Variants in BTN3A2 observed in about 807,000 individuals in gnomAD.
BTN3A2 encodes butyrophilin protein.
Under a neutral mutation model 37.6 loss-of-function variants are expected in BTN3A2, and 25 were observed. The observed-to-expected ratio is 0.66, with a 90% CI of 0.48 to 0.93. The LOEUF is 0.93. BTN3A2 is among the 40% of genes least tolerant of loss of function. The pLI, the probability that BTN3A2 is intolerant of heterozygous loss-of-function variation, is 0.00. For synonymous variants in BTN3A2, 122 were observed against 159.4 expected, an observed-to-expected ratio of 0.77 and a Z score of 1.77; for missense variants, 266 against 410.9, an observed-to-expected ratio of 0.65 and a Z score of 3.05.
rs1760725597 is a variant in BTN3A2, at chr6:26,376,515, G to A, written c.*753G>A. On this transcript the variant is annotated 3_prime_UTR_variant, in exon 11 of 11. Transcript: ENST00000377708. ...CATGGCCCAAGCCTTGCATGCTGTG[G>A]CTCTTAAATCCAGGAAAAATGGCTG... The A allele has an allele frequency of 2.3e-6, 3 of 1,298,990 alleles. No individual in the cohort carries two copies. In the African/African-American group the frequency reaches 4.5e-5, roughly 19 times the overall value. 80.5% of individuals were successfully genotyped at this position (1,298,990 alleles called of 1,614,324 possible). A position where few individuals can be genotyped will look rare whatever the true frequency, so the allele number is the denominator to read the frequency against.
In BTN3A2 at chr6:26,377,248, C is replaced by A. The variant is rs1314580849; in HGVS notation, c.*1486C>A. 2.3e-6 allele frequency: 2 copies of A among 856,560 alleles called. No individual in the cohort carries two copies. Among genetic ancestry groups the A allele is most frequent in the Non-Finnish European group, 3.9e-6 (2 of 510,494 alleles). The allele number at this position is 856,560 out of a possible 1,614,324, so 53.1% of individuals were successfully genotyped here. On this transcript the variant is annotated 3_prime_UTR_variant, in exon 11 of 11. Transcript: ENST00000377708. ...GCCCAGCCTGGAGCTAAGGGTCTCA[C>A]CCTCCACAACAGCCAGTCAGAACCA...
At chr6:26,365,474 C>CTGTG (rs55949951) in intron 1 of BTN3A2, 122 bp downstream of exon 1, 69,175 of 545,090 alleles carry the variant, frequency 0.13, 2,565 homozygotes, top group East Asian at 0.22. Context: ...GGTGCAGTGC[C>CTGTG]TGTGTGTGTG....
In BTN3A2 at chr6:26,368,259, C is replaced by T. The variant is rs759522232; in HGVS notation, c.77C>T (p.Pro26Leu). 3 of 1,614,206 alleles carry T rather than the reference C, an allele frequency of 1.9e-6. No homozygotes were observed. Among genetic ancestry groups the T allele is most frequent in the Non-Finnish European group, 2.5e-6 (3 of 1,180,036 alleles). The change falls in exon 3 of 11, where the codon CCT (proline) becomes CTT (leucine). Residue 26 changes from proline (P) to leucine (L), a missense_variant. Pro to Leu is a moderately conservative substitution (Grantham distance 98). Coordinates refer to ENST00000377708, the MANE Select transcript of BTN3A2 (RefSeq NM_007047.5). ...VSLLLVQLLT[P>L]CSAQFSVLGP... ...CTCCTCTTGGTCCAGCTGCTCACTC[C>T]TTGCTCAGGTAGGGAATGATTCCAT... is the stretch of plus-strand genomic sequence containing the variant.
At chr6:26,375,491 T>C (rs1760629860) in intron 10 of BTN3A2, 3 of 720,566 alleles carry the variant, frequency 4.2e-6, no homozygotes, top group South Asian at 4.0e-5. Flanking sequence ...ATCTCCTTTC[T>C]TTCTCCTTCT....
At chr6:26,370,291 C>A (rs1048591449) in intron 4 of BTN3A2, 31 bp from the exon 5 acceptor site, 2 of 1,610,238 alleles carry the variant, frequency 1.2e-6, no homozygotes, top group African/African-American at 1.3e-5. Flanking sequence ...CAGGAGCTAT[C>A]CAGAATTTAG....
intron 9 of BTN3A2, 49 bp downstream of exon 9, chr6:26,374,422 T>TCACA: frequency 1.3e-6 from 2 of 1,539,672 alleles, no homozygotes; most frequent in Non-Finnish European, 1.8e-6. Context: ...TTTTCTCCAC[T>TCACA]GTGACCCGTG....
At chr6:26,371,169 C>T (rs923119563) in intron 5 of BTN3A2, among the ~76,000 whole-genome samples, 1 of 151,940 alleles carries the variant, frequency 6.6e-6, no homozygotes, top group Admixed American at 6.6e-5. Flanking sequence ...GGCTGAGGCA[C>T]GAGAATCACT....
chr6:26,377,502 T>C lies in BTN3A2; in HGVS notation c.*1740T>C, dbSNP rs1240055455. ...GGAGAATTTAAAACGTTCTGAGTGCTGTGTTATGAGCTTTGGTGGGTGTCA... is the reference window on the plus strand; with the variant it reads ...GGAGAATTTAAAACGTTCTGAGTGCCGTGTTATGAGCTTTGGTGGGTGTCA... On this transcript the variant is annotated 3_prime_UTR_variant, in exon 11 of 11. Transcript: ENST00000377708. The C allele has an allele frequency of 8.6e-6, 3 of 350,538 alleles. No individual in the cohort carries two copies. The highest frequency in any genetic ancestry group is 6.4e-5 in the African/African-American group (3 of 47,236). 21.7% of individuals were successfully genotyped at this position (350,538 alleles called of 1,614,324 possible).
intron 10 of BTN3A2, chr6:26,375,328 C>G (rs1760604601): frequency 2.9e-6 from 1 of 345,348 alleles, no homozygotes. Flanking sequence ...GTCTCCACCC[C>G]TAGCCTGGGA....
chr6:26,365,179 A>G, upstream of BTN3A2: 1 of 930,968 alleles, frequency 1.1e-6, no homozygotes, highest in Non-Finnish European at 1.6e-6. Flanking sequence ...CAATCAAAAA[A>G]CTAATTCTTC....
Position 26,376,692 on chromosome 6 carries a change from T to C in BTN3A2, c.*930T>C, listed in dbSNP as rs1410032891. 3.9e-6 allele frequency: 6 copies of C among 1,546,898 alleles called. No individual in the cohort carries two copies. Among genetic ancestry groups the C allele is most frequent in the South Asian group, 3.3e-5 (3 of 89,632 alleles). On this transcript the variant is annotated 3_prime_UTR_variant, in exon 11 of 11. Transcript: ENST00000377708. ...ACCAGACAACCCTGAGAGATTTGAA[T>C]GGCGTTACTGTGTGCTTGGCTGTGA...
intron 1 of BTN3A2, among the ~76,000 whole-genome samples, chr6:26,366,199 C>T (rs889337013): frequency 4.1e-5 from 6 of 146,912 alleles, no homozygotes; most frequent in African/African-American, 1.3e-4. Context: ...ATAAAAAACC[C>T]GAATTATTTT....
intron 8 of BTN3A2, 90 bp downstream of exon 8, chr6:26,373,503 T>G: frequency 1.4e-6 from 2 of 1,467,126 alleles, no homozygotes; most frequent in Non-Finnish European, 1.8e-6. Context: ...AGCCCAGGGT[T>G]GAAAAGTGGT....
intron 8 of BTN3A2, 70 bp downstream of exon 8, chr6:26,373,483 C>T (rs1760354012): frequency 5.8e-6 from 9 of 1,543,392 alleles, no homozygotes; most frequent in Non-Finnish European, 7.9e-6. Context: ...TTTTCCAGCC[C>T]ATAAGTCATA....
intron 3 of BTN3A2, 36 bp from the exon 4 acceptor site, chr6:26,368,529 A>T: frequency 6.2e-7 from 1 of 1,613,754 alleles, no homozygotes; most frequent in Non-Finnish European, 8.5e-7. Flanking sequence ...CCCAACTCCA[A>T]AACCCTCTGA....
At position 26,370,386 on chromosome 6, in the gene BTN3A2, C is replaced by T. The variant is rs755955684; in HGVS notation, c.498C>T (p.Cys166=). 3 of 1,614,162 alleles carry T rather than the reference C, an allele frequency of 1.9e-6. No homozygotes were observed. The South Asian group carries it at 3.3e-5, about 18-fold the overall frequency. Residue 166 remains cysteine (C), a synonymous_variant, in exon 5 of 11, where the codon TGC becomes TGT. Transcript: ENST00000377708. ...GYEDGGIHLE[C]RSTGWYPQPQ... The stretch of plus-strand genomic sequence containing the variant: ...AGGATGGAGGGATCCATCTGGAGTG[C>T]AGGTCCACCGGCTGGTACCCCCAAC...
At chr6:26,369,655 G>A (rs565901161) in intron 4 of BTN3A2, among the ~76,000 whole-genome samples, 2 of 152,178 alleles carry the variant, frequency 1.3e-5, no homozygotes, top group Non-Finnish European at 2.9e-5. Flanking sequence ...TCATTGCTGA[G>A]GGGGGATGTT....
intron 10 of BTN3A2, 175 bp downstream of exon 10, chr6:26,374,973 T>C (rs2113717422): frequency 1.7e-6 from 1 of 571,878 alleles, no homozygotes; most frequent in Non-Finnish European, 2.9e-6. Flanking sequence ...CACTGAGTAA[T>C]ACTGCAGGGA....
chr6:26,371,968 T>C (rs1169644663), intron 5 of BTN3A2, among the ~76,000 whole-genome samples: 2 of 152,190 alleles, frequency 1.3e-5, no homozygotes, highest in Non-Finnish European at 2.9e-5. Flanking sequence ...CGTGAGCCAC[T>C]GCAACCGGCC....
Sources: allele counts gnomAD v4.1 joint callset (sites outside exome capture counted in the v4.1 genomes callset), GRCh38; gene constraint gnomAD v4.1.1; transcripts MANE v1.5; gene names NCBI Gene and HGNC (gene_info 2026-07-23, HGNC 2026-07-21).